AP1AR: variants seen among roughly 807,000 people sequenced by gnomAD.
AP1AR encodes the protein adaptor related protein complex 1 associated regulatory protein, also known as AP-1 complex-associated regulatory protein.
In AP1AR, 29 loss-of-function variants were observed where a neutral mutation model predicts 46.3. That is an observed-to-expected ratio of 0.63 (90% confidence interval 0.47 to 0.85). AP1AR has a LOEUF of 0.85. Ranked by LOEUF, AP1AR falls within the 40% of genes least tolerant of loss-of-function variation. The pLI is 0.00. For synonymous variants in AP1AR, 122 were observed against 122.9 expected (o/e 0.99, Z 0.05); for missense variants, 357 against 356.3 (o/e 1.00, Z -0.02).
intron 1 of AP1AR, among the ~76,000 whole-genome samples, chr4:112,234,106 G>A (rs964640268): frequency 6.6e-6 from 1 of 152,204 alleles, no homozygotes; most frequent in African/African-American, 2.4e-5. Context: ...TGATTCGCCA[G>A]CCTTGGCCTC....
At chr4:112,246,572 C>T (rs775674385) in intron 1 of AP1AR, among the ~76,000 whole-genome samples, 4 of 152,332 alleles carry the variant, frequency 2.6e-5, no homozygotes, top group Admixed American at 6.5e-5. Context: ...ATGTCCCAGG[C>T]TCTCACCTTC....
At chr4:112,247,698 C>T (rs1268700997) in intron 1 of AP1AR, among the ~76,000 whole-genome samples, 1 of 152,222 alleles carries the variant, frequency 6.6e-6, no homozygotes, top group African/African-American at 2.4e-5. Context: ...CTTCGCTCTA[C>T]TATTATAATA....
At chr4:112,236,400 C>CTCT (rs1553924082) in intron 1 of AP1AR, among the ~76,000 whole-genome samples, 1 of 143,398 alleles carries the variant, frequency 7.0e-6, no homozygotes, top group African/African-American at 2.6e-5. Context: ...ATTTCTAAGT[C>CTCT]TTTTTTTTTT....
rs1430315066 is a variant in AP1AR, at chr4:112,271,165, A to G, written c.*2756A>G. 6.6e-6 allele frequency among the ~76,000 whole-genome samples: 1 copy of G among 152,236 alleles called. No individual in the cohort carries two copies. The highest frequency in any genetic ancestry group is 1.5e-5 in the Non-Finnish European group (1 of 68,034). On this transcript the variant is annotated 3_prime_UTR_variant, in exon 10 of 10. Transcript: ENST00000274000. ...GTCCACGTAGGCAAAACTCAACCAC[A>G]GTCTGACACAGGTCTTGGTAGAAAA...
At chr4:112,247,936 A>C (rs17044338) in intron 1 of AP1AR, among the ~76,000 whole-genome samples, 5,771 of 152,320 alleles carry the variant, frequency 0.038, 178 homozygotes, top group South Asian at 0.11. Context: ...GCTGACATAA[A>C]TATCCTAACT....
rs747752736 is a variant in AP1AR at position 112,268,419 on chromosome 4, G to A, written c.*10G>A. On this transcript the variant is annotated 3_prime_UTR_variant, in exon 10 of 10. Coordinates refer to ENST00000274000, the MANE Select transcript of AP1AR (RefSeq NM_018569.6). ...TCAACAGACTCGATAGGGTAAAATT[G>A]TGTGACCTTGTTTATCAGTTATGAC... The A allele has an allele frequency of 1.9e-6, 3 of 1,565,398 alleles. No homozygotes were observed. Among genetic ancestry groups the A allele is most frequent in the East Asian group, 2.3e-5 (1 of 44,334 alleles).
intron 1 of AP1AR, among the ~76,000 whole-genome samples, chr4:112,248,597 G>T (rs1309316498): frequency 6.6e-6 from 1 of 152,128 alleles, no homozygotes; most frequent in Non-Finnish European, 1.5e-5. Flanking sequence ...GTACAGGGGG[G>T]CTTATCAATC....
At chr4:112,247,222 A>G (rs1725761747) in intron 1 of AP1AR, among the ~76,000 whole-genome samples, 1 of 152,246 alleles carries the variant, frequency 6.6e-6, no homozygotes, top group Non-Finnish European at 1.5e-5. Context: ...AATTGCTGAC[A>G]TTGCATCTTT....
intron 5 of AP1AR, 113 bp downstream of exon 5, chr4:112,260,975 C>A (rs2110488588): frequency 1.8e-6 from 1 of 546,058 alleles, no homozygotes; most frequent in Non-Finnish European, 3.0e-6. Flanking sequence ...ACAGATGAAT[C>A]TGTTTTAAGA....
intron 1 of AP1AR, among the ~76,000 whole-genome samples, chr4:112,234,556 AT>A (rs2110462144): frequency 6.6e-6 from 1 of 152,126 alleles, no homozygotes; most frequent in South Asian, 2.1e-4. Context: ...TGATTAACTT[AT>A]TGTTTAACAT....
At chr4:112,245,248 TTCTTA>T (rs1392169960) in intron 1 of AP1AR, among the ~76,000 whole-genome samples, 1 of 152,186 alleles carries the variant, frequency 6.6e-6, no homozygotes, top group Non-Finnish European at 1.5e-5. Context: ...ACTTATTTTT[TTCTTA>T]TAAGAATGCT....
chr4:112,267,383 A>G (rs1726752349), intron 9 of AP1AR, among the ~76,000 whole-genome samples: 1 of 151,930 alleles, frequency 6.6e-6, no homozygotes, highest in Admixed American at 6.6e-5. Flanking sequence ...TGCCAGTAAA[A>G]TGACATTATT....
chr4:112,257,359 A>G (rs540840077), intron 3 of AP1AR, among the ~76,000 whole-genome samples: 1 of 152,326 alleles, frequency 6.6e-6, no homozygotes, highest in South Asian at 2.1e-4. Context: ...TTGTGGTTAC[A>G]AGTAAATTTT....
At chr4:112,236,082 T>C (rs1725227638) in intron 1 of AP1AR, among the ~76,000 whole-genome samples, 1 of 151,816 alleles carries the variant, frequency 6.6e-6, no homozygotes, top group African/African-American at 2.4e-5. Flanking sequence ...CCAAATCTCA[T>C]CTTCTGCTTG....
rs750397678 is a variant in AP1AR, at chr4:112,253,259, A to C, written c.132+3A>C. ...GAGGTGAGCACTTAACAATAGAGGT[A>C]AGTAGTCCTTAATTTGATTGAATTA... On this transcript the variant is annotated splice_donor_region_variant and intron_variant, in intron 2 of 9. Coordinates refer to ENST00000274000, the MANE Select transcript of AP1AR (RefSeq NM_018569.6). 3 of 1,607,638 alleles carry C rather than the reference A, an allele frequency of 1.9e-6. No homozygotes were observed. The highest frequency in any genetic ancestry group is 2.6e-6 in the Non-Finnish European group (3 of 1,176,408).
intron 9 of AP1AR, 110 bp from the exon 10 acceptor site, chr4:112,268,034 A>G (rs1186142312): frequency 8.9e-7 from 1 of 1,127,570 alleles, no homozygotes; most frequent in Non-Finnish European, 1.2e-6. Flanking sequence ...AAGTTAATTC[A>G]CACATCAAGT....
rs533197976 is a variant in AP1AR, at chr4:112,269,602, T to G, written c.*1193T>G. The G allele has an allele frequency of 1.5e-4, 23 of 152,482 alleles. No individual in the cohort carries two copies. The highest frequency in any genetic ancestry group is 5.5e-4 in the African/African-American group (23 of 41,516). 9.4% of individuals were successfully genotyped at this position (152,482 alleles called of 1,614,324 possible). ...TTTTTTCCTCTTGCAACAATGACGG[T>G]GCATGTTCTTATAAATATAGGAAGG... On this transcript the variant is annotated 3_prime_UTR_variant, in exon 10 of 10. Coordinates refer to ENST00000274000, the MANE Select transcript of AP1AR (RefSeq NM_018569.6).
intron 1 of AP1AR, among the ~76,000 whole-genome samples, chr4:112,246,266 A>G (rs1725723392): frequency 6.6e-6 from 1 of 152,048 alleles, no homozygotes. Flanking sequence ...AGCACTTTGG[A>G]TGACCGAGGC....
intron 1 of AP1AR, among the ~76,000 whole-genome samples, chr4:112,242,947 GA>G (rs1433194012): frequency 6.6e-6 from 1 of 152,142 alleles, no homozygotes; most frequent in African/African-American, 2.4e-5. Context: ...CTGTTAAGAG[GA>G]AAAAGTACAC....
Sources: allele counts gnomAD v4.1 joint callset (sites outside exome capture counted in the v4.1 genomes callset), GRCh38; gene constraint gnomAD v4.1.1; transcripts MANE v1.5; gene names NCBI Gene and HGNC (gene_info 2026-07-23, HGNC 2026-07-21).